Variants in AUTS2 observed in about 807,000 individuals in gnomAD.
AUTS2 encodes the protein activator of transcription and developmental regulator AUTS2.
A neutral mutation model predicts 112.4 loss-of-function variants in AUTS2; 17 were observed. That is an observed-to-expected ratio of 0.15 (90% CI 0.10 to 0.23). The LOEUF (loss-of-function observed/expected upper bound fraction) is 0.23, where lower values mean the gene tolerates loss of function less well. Ranked by LOEUF, AUTS2 falls within the 10% of genes least tolerant of loss-of-function variation. The pLI is 1.00. For synonymous variants in AUTS2, 751 were observed against 702.7 expected (o/e 1.07, Z -1.09); for missense variants, 1,510 against 1,701.6 (o/e 0.89, Z 1.98).
At chr7:70,403,895 G>A (rs754220575) in intron 4 of AUTS2, among the ~76,000 whole-genome samples, 11 of 152,148 alleles carry the variant, frequency 7.2e-5, no homozygotes, top group Non-Finnish European at 1.0e-4. Context: ...CAGATTGCTG[G>A]CCTAATTCTT....
At chr7:69,878,466 A>G (rs1331361926) in intron 1 of AUTS2, among the ~76,000 whole-genome samples, 1 of 152,116 alleles carries the variant, frequency 6.6e-6, no homozygotes, top group East Asian at 1.9e-4. Flanking sequence ...GGAGGTGGAA[A>G]ACGCCTCCTT....
rs115597316 is a variant in AUTS2, at chr7:69,642,951, T to C, written c.309+42989T>C. 2.9e-3 allele frequency among the ~76,000 whole-genome samples: 443 copies of C among 151,932 alleles called. 5 individuals are homozygous for C. Among genetic ancestry groups the C allele is most frequent in the African/African-American group, 0.01 (429 of 41,512 alleles). On this transcript the variant is annotated intron_variant, in intron 1 of 18. Coordinates refer to ENST00000342771, the MANE Select transcript of AUTS2 (RefSeq NM_015570.4). ...CAGGAGGAGTCTGGGCACTTCTTAG[T>C]TGGGTCCTTTGCAAGGCTGCAATCA...
At chr7:70,346,214 C>CA (rs1180306633) in intron 4 of AUTS2, among the ~76,000 whole-genome samples, 1 of 152,174 alleles carries the variant, frequency 6.6e-6, no homozygotes, top group Non-Finnish European at 1.5e-5. Flanking sequence ...TGCTTTTCCA[C>CA]AATACCTTTC....
chr7:70,296,204 C>T (rs560997044), intron 4 of AUTS2, among the ~76,000 whole-genome samples: 6 of 152,118 alleles, frequency 3.9e-5, no homozygotes, highest in Non-Finnish European at 5.9e-5. Flanking sequence ...GAGTAGATTT[C>T]GACTCATCAA....
intron 5 of AUTS2, among the ~76,000 whole-genome samples, chr7:70,581,222 A>G (rs562241352): frequency 9.2e-5 from 14 of 152,058 alleles, no homozygotes; most frequent in Non-Finnish European, 1.8e-4. Flanking sequence ...CATCTCTACT[A>G]AAAATACAAA....
At chr7:69,951,580 A>G (rs1259813253) in intron 2 of AUTS2, among the ~76,000 whole-genome samples, 1 of 152,138 alleles carries the variant, frequency 6.6e-6, no homozygotes, top group Non-Finnish European at 1.5e-5. Context: ...CACACAGAGA[A>G]TTAGCTAAGG....
intron 6 of AUTS2, among the ~76,000 whole-genome samples, chr7:70,734,283 C>CA (rs1218577554): frequency 2.0e-5 from 3 of 151,700 alleles, no homozygotes; most frequent in Non-Finnish European, 4.4e-5. Context: ...AGTAAAAATA[C>CA]AAAAAAATTA....
rs143221805 is a variant in AUTS2, at chr7:70,617,266, G to C, written c.691-81303G>C. Among the ~76,000 whole-genome samples the C allele has an allele frequency of 1.5e-4, 23 of 152,298 alleles. No individual in the cohort carries two copies. In the East Asian group the frequency reaches 4.4e-3, roughly 29 times the overall value. On this transcript the variant is annotated intron_variant, in intron 5 of 18. Coordinates refer to ENST00000342771, the MANE Select transcript of AUTS2 (RefSeq NM_015570.4). ...GCCTGCTCTGCTGATTGAGGAAATG[G>C]TCAAGACTAAATGACCACTAGTCCC...
At chr7:70,611,077 C>G (rs1804068868) in intron 5 of AUTS2, among the ~76,000 whole-genome samples, 1 of 152,150 alleles carries the variant, frequency 6.6e-6, no homozygotes, top group African/African-American at 2.4e-5. Context: ...ATGTTTTCTT[C>G]CAGGAGTTTT....
At chr7:70,768,683 C>G (rs1216531591) in intron 10 of AUTS2, among the ~76,000 whole-genome samples, 2 of 151,800 alleles carry the variant, frequency 1.3e-5, no homozygotes. Flanking sequence ...ATAAAAAAAA[C>G]TTGTTTTATG....
chr7:70,389,203 A>G (rs901410991), intron 4 of AUTS2, among the ~76,000 whole-genome samples: 2 of 152,142 alleles, frequency 1.3e-5, no homozygotes, highest in African/African-American at 4.8e-5. Flanking sequence ...AGTGTGGTCC[A>G]GGTCCTAGAT....
At chr7:70,296,297 C>T (rs1788931323) in intron 4 of AUTS2, among the ~76,000 whole-genome samples, 1 of 152,200 alleles carries the variant, frequency 6.6e-6, no homozygotes, top group African/African-American at 2.4e-5. Flanking sequence ...TTTACTTGAG[C>T]ACATAGATAT....
intron 3 of AUTS2, among the ~76,000 whole-genome samples, chr7:70,124,077 T>G (rs968952741): frequency 6.6e-6 from 1 of 152,154 alleles, no homozygotes; most frequent in Admixed American, 6.6e-5. Context: ...TCATTGTGGT[T>G]TTTGATTTGC....
chr7:69,936,677 A>G (rs1462617056), intron 2 of AUTS2, among the ~76,000 whole-genome samples: 2 of 152,132 alleles, frequency 1.3e-5, no homozygotes, highest in Admixed American at 6.5e-5. Flanking sequence ...TTGGCTGCTT[A>G]TAAGTTTTTG....
rs143564682 is a variant in AUTS2, at chr7:70,301,902, G to A, written c.661-133850G>A. Among the ~76,000 whole-genome samples, 361 of 151,598 alleles carry A rather than the reference G, an allele frequency of 2.4e-3. 1 individual carries two copies. The highest frequency in any genetic ancestry group is 0.01 in the Middle Eastern group (3 of 294). The stretch of plus-strand genomic sequence containing the variant: ...GCCTCCCAAGTAGCTGGGACCACAA[G>A]TGTGCACCACGATGCCTGTGTTTTG... On this transcript the variant is annotated intron_variant, in intron 4 of 18. Transcript: ENST00000342771.
intron 4 of AUTS2, among the ~76,000 whole-genome samples, chr7:70,355,175 C>G (rs192689936): frequency 6.6e-6 from 1 of 151,622 alleles, no homozygotes; most frequent in East Asian, 1.9e-4. Context: ...AACGAGTTTC[C>G]GATCCTAAAC....
chr7:69,723,344 A>G (rs1321941263), intron 1 of AUTS2, among the ~76,000 whole-genome samples: 1 of 152,166 alleles, frequency 6.6e-6, no homozygotes, highest in Non-Finnish European at 1.5e-5. Context: ...TGTATGTTTT[A>G]TAAGGATTGC....
intron 9 of AUTS2, among the ~76,000 whole-genome samples, chr7:70,767,462 GT>G (rs775760869): frequency 6.4e-4 from 98 of 152,242 alleles, no homozygotes; most frequent in Middle Eastern, 6.8e-3. Context: ...TGTGTGAGCT[GT>G]TTCACAAATA....
At chr7:70,687,355 C>T (rs185248573) in intron 5 of AUTS2, among the ~76,000 whole-genome samples, 150 of 152,322 alleles carry the variant, frequency 9.8e-4, no homozygotes, top group African/African-American at 3.3e-3. Flanking sequence ...AATTGGGTGA[C>T]ACGAGCAGGG....
Sources: allele counts gnomAD v4.1 joint callset (sites outside exome capture counted in the v4.1 genomes callset), GRCh38; gene constraint gnomAD v4.1.1; transcripts MANE v1.5; gene names NCBI Gene and HGNC (gene_info 2026-07-23, HGNC 2026-07-21).